EVC: variants seen among roughly 807,000 people sequenced by gnomAD.
EVC encodes the protein evC complex member EVC.
Under a neutral mutation model 118.9 loss-of-function variants are expected in EVC, and 116 were observed. The observed-to-expected ratio is 0.98, with a 90% confidence interval of 0.84 to 1.14. The LOEUF (loss-of-function observed/expected upper bound fraction) is 1.14, where lower values mean the gene tolerates loss of function less well. Among genes scored for constraint, EVC ranks in the 50% most tolerant of loss-of-function variants. EVC has a pLI of 0.00. For synonymous variants in EVC, 619 were observed against 534.7 expected (o/e 1.16, Z -2.18); for missense variants, 1,401 against 1,246.4 (o/e 1.12, Z -1.87).
rs1356294566 is a variant in EVC, at chr4:5,811,407, C to G, written c.*370C>G. 9.3e-6 allele frequency: 3 copies of G among 321,878 alleles called. No homozygotes were observed. The highest frequency in any genetic ancestry group is 6.5e-5 in the African/African-American group (3 of 46,464). The allele number at this position is 321,878 out of a possible 1,614,324, so 19.9% of individuals were successfully genotyped here. On this transcript the variant is annotated 3_prime_UTR_variant, in exon 21 of 21. Coordinates refer to ENST00000264956, the MANE Select transcript of EVC (RefSeq NM_153717.3). ...GGCCCAAAGGCCTGTCTGGGCCCATCTGGGGCTGAGGACACACAGATACAT... is the reference window on the plus strand; with the variant it reads ...GGCCCAAAGGCCTGTCTGGGCCCATGTGGGGCTGAGGACACACAGATACAT...
Position 5,715,740 on chromosome 4 carries a change from C to T in EVC, c.175-3508C>T, listed in dbSNP as rs1228129915. Among the ~76,000 whole-genome samples the T allele has an allele frequency of 5.9e-4, 42 of 71,004 alleles. 1 individual carries two copies. Among genetic ancestry groups the T allele is most frequent in the African/African-American group, 2.0e-3 (41 of 20,748 alleles). The allele number at this position is 71,004 out of a possible 152,430, so 46.6% of individuals were successfully genotyped here. On this transcript the variant is annotated intron_variant, in intron 1 of 20. Coordinates refer to ENST00000264956, the MANE Select transcript of EVC (RefSeq NM_153717.3). Reference sequence around the variant, plus strand: ...AATTTCGAAGGCATTTTTCCATTGTCTTTTTTTTTTTTTTTTTTTTTGAGA... The same window carrying T: ...AATTTCGAAGGCATTTTTCCATTGTTTTTTTTTTTTTTTTTTTTTTTGAGA...
At chr4:5,780,408 C>T (rs1347590753) in intron 11 of EVC, among the ~76,000 whole-genome samples, 1 of 152,228 alleles carries the variant, frequency 6.6e-6, no homozygotes, top group East Asian at 1.9e-4. Context: ...GACCTTCCAT[C>T]TGTAAACTGT....
In EVC at chr4:5,793,297, A is replaced by T. The variant is rs150850133; in HGVS notation, c.1777-311A>T. Among the ~76,000 whole-genome samples the T allele has an allele frequency of 4.6e-4, 70 of 152,196 alleles. 2 individuals carry two copies. In the East Asian group the frequency reaches 9.5e-3, roughly 21 times the overall value. ...AAAAAAAATAAATTATTTAATAAAC[A>T]CTGTTGGGACAATTAGTTATCCATT... On this transcript the variant is annotated intron_variant, in intron 12 of 20. Transcript: ENST00000264956.
intron 16 of EVC, among the ~76,000 whole-genome samples, chr4:5,804,265 C>G (rs1335371449): frequency 1.3e-5 from 2 of 152,104 alleles, no homozygotes; most frequent in Non-Finnish European, 2.9e-5. Flanking sequence ...CTTTTAAAAG[C>G]CAAGAGTTTT....
chr4:5,821,773 G>C, the EVC span: 1 of 1,610,548 alleles, frequency 6.2e-7, no homozygotes, highest in Non-Finnish European at 8.5e-7. This position sits in a 1 kb window ranked among gnomAD's most constrained non-coding sequence, Gnocchi z 4.4. Flanking sequence ...ACCGAGGCTG[G>C]TGATGTTGGA....
intron 12 of EVC, among the ~76,000 whole-genome samples, chr4:5,791,260 A>G (rs1427219218): frequency 2.0e-5 from 3 of 152,240 alleles, no homozygotes; most frequent in Non-Finnish European, 2.9e-5. Flanking sequence ...GATGGAAAAT[A>G]TAGAAGAAGA....
downstream of EVC, among the ~76,000 whole-genome samples, chr4:5,818,634 A>C (rs529380900): frequency 6.6e-6 from 1 of 152,228 alleles, no homozygotes; most frequent in Admixed American, 6.5e-5. Flanking sequence ...CAGCTTTATA[A>C]GCAGAGGAAG....
At chr4:5,781,609 G>A (rs1735607979) in intron 11 of EVC, among the ~76,000 whole-genome samples, 1 of 152,130 alleles carries the variant, frequency 6.6e-6, no homozygotes, top group Admixed American at 6.5e-5. Context: ...GGTCAAGGCA[G>A]GCAGATCATT....
At chr4:5,762,050 C>CA (rs1166310002) in intron 11 of EVC, among the ~76,000 whole-genome samples, 1 of 82,132 alleles carries the variant, frequency 1.2e-5, no homozygotes, top group Non-Finnish European at 2.6e-5. Flanking sequence ...TATCCCTCCC[C>CA]CCACCCCCAC....
At chr4:5,827,759 C>CAAACATCATGA in the EVC span, among the ~76,000 whole-genome samples, 1 of 127,050 alleles carries the variant, frequency 7.9e-6, no homozygotes, top group Non-Finnish European at 1.5e-5. Flanking sequence ...ACACACGAAG[C>CAAACATCATGA]TGGCCTTTCT....
At chr4:5,752,384 G>C (rs565858002) in intron 8 of EVC, among the ~76,000 whole-genome samples, 1 of 152,178 alleles carries the variant, frequency 6.6e-6, no homozygotes, top group East Asian at 1.9e-4. Flanking sequence ...TGAAAATCTC[G>C]GCCGTCCTCA....
intron 5 of EVC, 107 bp downstream of exon 5, chr4:5,733,542 G>A: frequency 2.0e-6 from 2 of 992,860 alleles, no homozygotes; most frequent in South Asian, 2.5e-5. Flanking sequence ...AGACATCAGT[G>A]GAAACAGAGC....
intron 17 of EVC, among the ~76,000 whole-genome samples, chr4:5,806,070 C>T (rs182357712): frequency 5.3e-5 from 8 of 150,804 alleles, no homozygotes; most frequent in Middle Eastern, 6.8e-3. Context: ...TCTCTGTTGT[C>T]CATCCTTCCA....
intron 11 of EVC, among the ~76,000 whole-genome samples, chr4:5,774,092 T>G (rs1338422346): frequency 1.3e-5 from 2 of 151,940 alleles, no homozygotes; most frequent in African/African-American, 2.4e-5. Context: ...AGTGTGTATT[T>G]GGGTCCTTCG....
At chr4:5,801,330 A>C (rs947038306) in intron 15 of EVC, among the ~76,000 whole-genome samples, 1 of 152,188 alleles carries the variant, frequency 6.6e-6, no homozygotes, top group Non-Finnish European at 1.5e-5. Context: ...CATTCCAGGT[A>C]GGAGGAGGGA....
At chr4:5,827,905 G>T in the EVC span, 1 of 457,532 alleles carries the variant, frequency 2.2e-6, no homozygotes, top group Non-Finnish European at 2.9e-6. Flanking sequence ...TCTAAAGTTA[G>T]GAATAGAGCC....
chr4:5,819,636 T>C, the EVC span, among the ~76,000 whole-genome samples: 1 of 152,202 alleles, frequency 6.6e-6, no homozygotes, highest in African/African-American at 2.4e-5. Flanking sequence ...TGCTTCCACT[T>C]CCACCCTGAC....
rs75954803 is a variant in EVC, at chr4:5,759,490, G to C, written c.1563+3128G>C. Among the ~76,000 whole-genome samples, 1,354 of 152,138 alleles carry C rather than the reference G, an allele frequency of 8.9e-3. 21 individuals carry two copies. Among genetic ancestry groups the C allele is most frequent in the African/African-American group, 0.031 (1,275 of 41,508 alleles). ...CCCCTGCCGGAGGTGAGCCCAGGTG[G>C]CCCAGAGGCTATGGGCGGCGGGGGT... On this transcript the variant is annotated intron_variant, in intron 11 of 20. Coordinates refer to ENST00000264956, the MANE Select transcript of EVC (RefSeq NM_153717.3).
the EVC span, among the ~76,000 whole-genome samples, chr4:5,827,530 T>C: frequency 0.34 from 51,091 of 151,886 alleles, 14,034 homozygotes; most frequent in African/African-American, 0.77. Context: ...TCTCAATTGG[T>C]CACTTAGGAA....
Sources: allele counts gnomAD v4.1 joint callset (sites outside exome capture counted in the v4.1 genomes callset), GRCh38; gene constraint gnomAD v4.1.1; non-coding constraint Gnocchi (gnomAD v3.1); transcripts MANE v1.5; gene names NCBI Gene and HGNC (gene_info 2026-07-23, HGNC 2026-07-21).